DSCAML1: variants seen among roughly 807,000 people sequenced by gnomAD.
DSCAML1 encodes the protein cell adhesion molecule DSCAML1.
In DSCAML1, 38 loss-of-function variants were observed where a neutral mutation model predicts 200.5. The ratio of observed to expected loss-of-function variants is 0.19; its 90% CI spans 0.15 to 0.25. The LOEUF (loss-of-function observed/expected upper bound fraction) is 0.25. Among genes scored for constraint, DSCAML1 ranks in the 10% least tolerant of loss-of-function variants. The pLI, the probability that DSCAML1 is intolerant of heterozygous loss-of-function variation, is 1.00. For missense variants in DSCAML1, 2,223 were observed against 2,858.8 expected (o/e 0.78, Z 5.07); for synonymous variants, 1,215 against 1,165.0 (o/e 1.04, Z -0.87).
chr11:117,546,081 A>ACCACCC (rs1186325692), intron 3 of DSCAML1, among the ~76,000 whole-genome samples: 9 of 152,188 alleles, frequency 5.9e-5, no homozygotes, highest in Admixed American at 5.9e-4. Context: ...AAGTGGTGTC[A>ACCACCC]CCACCCCCAA....
At chr11:117,628,602 C>T (rs1451885278) in intron 3 of DSCAML1, among the ~76,000 whole-genome samples, 1 of 152,200 alleles carries the variant, frequency 6.6e-6, no homozygotes, top group Non-Finnish European at 1.5e-5. Flanking sequence ...GAAGCATCTC[C>T]TCCTTGGACT....
chr11:117,627,783 T>C (rs2137564992), intron 3 of DSCAML1, among the ~76,000 whole-genome samples: 1 of 152,228 alleles, frequency 6.6e-6, no homozygotes, highest in East Asian at 1.9e-4. Context: ...GATGGGCATC[T>C]AGCTCAAAGC....
intron 21 of DSCAML1, 40 bp from the exon 22 acceptor site, chr11:117,439,976 C>T: frequency 1.3e-6 from 2 of 1,547,368 alleles, no homozygotes; most frequent in African/African-American, 1.4e-5. Flanking sequence ...CACTTCTACC[C>T]CTGCACAATA....
intron 27 of DSCAML1, among the ~76,000 whole-genome samples, 186 bp from the exon 28 acceptor site, chr11:117,433,657 T>C (rs2047850187): frequency 6.6e-6 from 1 of 152,186 alleles, no homozygotes; most frequent in South Asian, 2.1e-4. Context: ...GTTTCACTGC[T>C]CCAAATTCAG....
In DSCAML1 at chr11:117,480,658, G is replaced by T. The variant is rs2137211799; in HGVS notation, c.2657-87C>A. On this transcript the variant is annotated intron_variant, in intron 13 of 32. Coordinates refer to ENST00000651296, the MANE Select transcript of DSCAML1 (RefSeq NM_020693.4). The surrounding 1 kb of genome is among the most constrained non-coding windows in gnomAD (Gnocchi z 4.1). ...TTGGCCCTGAGGATTGGCATCACCT[G>T]GGTCTAGCCAAGGACTCTGGCACCC... is the stretch of plus-strand genomic sequence containing the variant. The T allele has an allele frequency of 1.3e-6, 2 of 1,491,996 alleles. No individual in the cohort carries two copies. Among genetic ancestry groups the T allele is most frequent in the Non-Finnish European group, 9.0e-7 (1 of 1,105,032 alleles). 92.4% of individuals were successfully genotyped at this position (1,491,996 alleles called of 1,614,324 possible).
chr11:117,749,008 C>T (rs1435178068), intron 3 of DSCAML1, among the ~76,000 whole-genome samples: 1 of 152,212 alleles, frequency 6.6e-6, no homozygotes, highest in African/African-American at 2.4e-5. Flanking sequence ...TCACCCTTGA[C>T]ACACGTGCCT....
intron 3 of DSCAML1, among the ~76,000 whole-genome samples, chr11:117,546,754 C>T (rs2137380703): frequency 1.3e-5 from 2 of 152,258 alleles, no homozygotes; most frequent in South Asian, 2.1e-4. Flanking sequence ...GGCTAGTTCT[C>T]TCTCTCCCCG....
intron 3 of DSCAML1, among the ~76,000 whole-genome samples, chr11:117,597,049 G>T (rs958523552): frequency 6.6e-6 from 1 of 152,120 alleles, no homozygotes; most frequent in Non-Finnish European, 1.5e-5. Context: ...ATTATTGGAT[G>T]GTGCTGCGGC....
intron 16 of DSCAML1, among the ~76,000 whole-genome samples, chr11:117,467,202 C>CCCCCCCCCCCCA (rs2048600020): frequency 7.5e-6 from 1 of 134,082 alleles, no homozygotes; most frequent in African/African-American, 3.1e-5. Context: ...CACCTCCCCC[C>CCCCCCCCCCCCA]TCCCCCCGCC....
chr11:117,492,063 GC>G (rs2049192029), intron 11 of DSCAML1, among the ~76,000 whole-genome samples: 1 of 152,072 alleles, frequency 6.6e-6, no homozygotes, highest in Non-Finnish European at 1.5e-5. Context: ...ATCCTACCCT[GC>G]CCCCCAGGCT....
intron 3 of DSCAML1, among the ~76,000 whole-genome samples, chr11:117,578,008 G>T (rs1396836055): frequency 6.6e-6 from 1 of 151,718 alleles, no homozygotes; most frequent in Non-Finnish European, 1.5e-5. Context: ...GCTGGGATGG[G>T]TGGATCACCT....
At chr11:117,665,970 C>A (rs1175909963) in intron 3 of DSCAML1, among the ~76,000 whole-genome samples, 1 of 152,156 alleles carries the variant, frequency 6.6e-6, no homozygotes, top group South Asian at 2.1e-4. Context: ...AGTCCAGGAC[C>A]CTCTCTCTCT....
chr11:117,574,796 G>A (rs2137444754), intron 3 of DSCAML1, among the ~76,000 whole-genome samples: 1 of 152,308 alleles, frequency 6.6e-6, no homozygotes, highest in South Asian at 2.1e-4. Context: ...AGCAGCATGT[G>A]CAAAGAGCAG....
chr11:117,755,258 C>G (rs986043313), intron 3 of DSCAML1, among the ~76,000 whole-genome samples: 1 of 152,112 alleles, frequency 6.6e-6, no homozygotes, highest in Non-Finnish European at 1.5e-5. Flanking sequence ...GGACAGGGAA[C>G]CTGAATTATG....
chr11:117,571,626 G>A (rs116163717), intron 3 of DSCAML1, among the ~76,000 whole-genome samples: 31 of 152,280 alleles, frequency 2.0e-4, no homozygotes, highest in African/African-American at 7.2e-4. Context: ...AGGAAGAGTG[G>A]ATGCAGATGA....
At chr11:117,543,680 C>T (rs1203326883) in intron 3 of DSCAML1, among the ~76,000 whole-genome samples, 1 of 152,166 alleles carries the variant, frequency 6.6e-6, no homozygotes, top group Non-Finnish European at 1.5e-5. Flanking sequence ...CGTTTGCTCA[C>T]CCCCAAATTA....
chr11:117,565,105 T>G (rs546203315), intron 3 of DSCAML1, among the ~76,000 whole-genome samples: 236 of 152,290 alleles, frequency 1.5e-3, no homozygotes, highest in African/African-American at 5.2e-3. Context: ...ACCTGTTCAG[T>G]GCTGCATCCC....
intron 3 of DSCAML1, among the ~76,000 whole-genome samples, chr11:117,688,904 C>T (rs766517790): frequency 6.6e-6 from 1 of 152,246 alleles, no homozygotes; most frequent in Non-Finnish European, 1.5e-5. Context: ...AACCTCCATA[C>T]TCTCCATGGA....
intron 3 of DSCAML1, among the ~76,000 whole-genome samples, chr11:117,750,441 C>G (rs2054588683): frequency 6.6e-6 from 1 of 152,134 alleles, no homozygotes; most frequent in Non-Finnish European, 1.5e-5. Flanking sequence ...AGCAAGGGAC[C>G]TGGAGAACCC....
Sources: gnomAD v4.1 joint callset for allele counts (sites outside exome capture counted in the v4.1 genomes callset) on GRCh38, gnomAD v4.1.1 for gene constraint, Gnocchi (gnomAD v3.1) non-coding constraint, MANE v1.5 for transcripts, NCBI Gene and HGNC (gene_info 2026-07-23, HGNC 2026-07-21) for gene names.